Variants in NAV2 observed in about 807,000 individuals in gnomAD.
NAV2 encodes the protein helicase, APC down-regulated 1.
In NAV2, 54 loss-of-function variants were observed where a neutral mutation model predicts 223.2. That is an observed-to-expected ratio of 0.24 (90% CI 0.19 to 0.30). NAV2 has a LOEUF of 0.30. Ranked by LOEUF, NAV2 falls within the 10% of genes least tolerant of loss-of-function variation. The pLI, the probability that NAV2 is intolerant of heterozygous loss-of-function variation, is 1.00. For missense variants in NAV2, 2,806 were observed against 3,147.5 expected (o/e 0.89, Z 2.60); for synonymous variants, 1,279 against 1,239.3 (o/e 1.03, Z -0.67).
At chr11:19,868,623 G>A (rs1167243960) in intron 3 of NAV2, among the ~76,000 whole-genome samples, 1 of 152,116 alleles carries the variant, frequency 6.6e-6, no homozygotes, top group Non-Finnish European at 1.5e-5. Flanking sequence ...CCATTTTTCT[G>A]GCAACTGCTC....
intron 34 of NAV2, 49 bp downstream of exon 34, chr11:20,103,773 G>T: frequency 6.5e-7 from 1 of 1,548,594 alleles, no homozygotes; most frequent in African/African-American, 1.4e-5. Context: ...TCACAAAGAA[G>T]AAAAGCAAGA....
rs75376456 is a variant in NAV2, at chr11:19,605,042, T to A, written c.76-227442T>A. ...CTTGGGTGTGTCTTTATCAGCAGCATGAAAATGGACTAATACATTGGTTAA... is the reference window on the plus strand; with the variant it reads ...CTTGGGTGTGTCTTTATCAGCAGCAAGAAAATGGACTAATACATTGGTTAA... On this transcript the variant is annotated intron_variant, in intron 1 of 37. Coordinates refer to the NAV2 transcript ENST00000360655. Among the ~76,000 whole-genome samples, 525 of 152,276 alleles carry A rather than the reference T, an allele frequency of 3.4e-3. 2 individuals carry two copies. The highest frequency in any genetic ancestry group is 0.012 in the African/African-American group (505 of 41,546).
chr11:19,416,914 C>T (rs951793240), intron 1 of NAV2, among the ~76,000 whole-genome samples: 1 of 152,094 alleles, frequency 6.6e-6, no homozygotes, highest in African/African-American at 2.4e-5. Context: ...TGAAACTGTA[C>T]CGCTTCCTTA....
intron 1 of NAV2, among the ~76,000 whole-genome samples, chr11:19,445,595 C>T (rs1435586475): frequency 6.6e-6 from 1 of 152,076 alleles, no homozygotes. Flanking sequence ...TCTGGTCTCT[C>T]GAGCCACATC....
chr11:19,648,318 C>G (rs1201332330), intron 1 of NAV2, among the ~76,000 whole-genome samples: 1 of 152,162 alleles, frequency 6.6e-6, no homozygotes, highest in East Asian at 1.9e-4. Context: ...CACATCTCTT[C>G]CCCTGCCACA....
At chr11:19,833,302 G>A (rs1039116505) in intron 2 of NAV2, among the ~76,000 whole-genome samples, 1 of 152,202 alleles carries the variant, frequency 6.6e-6, no homozygotes, top group African/African-American at 2.4e-5. Context: ...CCTTGGCCAA[G>A]GGAGAAGGTG....
chr11:19,703,538 C>T lies in NAV2; in HGVS notation c.76-128946C>T, dbSNP rs570440007. Reference sequence around the variant, plus strand: ...AAGGGTCAGGCTGCCTGATGCTACCCGCACCGCTGGAGCTGAGGCGGCATT... The same window carrying T: ...AAGGGTCAGGCTGCCTGATGCTACCTGCACCGCTGGAGCTGAGGCGGCATT... On this transcript the variant is annotated intron_variant, in intron 1 of 37. Transcript: ENST00000360655. Among the ~76,000 whole-genome samples, 9 of 152,298 alleles carry T rather than the reference C, an allele frequency of 5.9e-5. No individual in the cohort carries two copies. The East Asian group carries it at 1.2e-3, about 20-fold the overall frequency.
intron 17 of NAV2, 116 bp downstream of exon 17, chr11:20,051,449 C>T (rs2058001615): frequency 1.1e-6 from 1 of 887,398 alleles, no homozygotes; most frequent in Non-Finnish European, 1.9e-6. Flanking sequence ...GCTTTGACCA[C>T]CACAGCAGGA....
At chr11:19,845,182 A>G (rs2152954832) in intron 3 of NAV2, among the ~76,000 whole-genome samples, 1 of 152,336 alleles carries the variant, frequency 6.6e-6, no homozygotes, top group African/African-American at 2.4e-5. Flanking sequence ...GCATATATAG[A>G]GTTAAAGCAC....
Position 19,707,835 on chromosome 11 carries a change from C to T in NAV2, c.76-124649C>T, listed in dbSNP as rs146840111. ...TGTTGCACTACAATGTTATGACTGC[C>T]ACTATGTTACTAGGCAATAGTAATT... On this transcript the variant is annotated intron_variant, in intron 1 of 37. Transcript: ENST00000360655. Among the ~76,000 whole-genome samples the T allele has an allele frequency of 3.5e-3, 539 of 152,274 alleles. 2 individuals are homozygous for T. The highest frequency in any genetic ancestry group is 0.013 in the African/African-American group (522 of 41,544).
At chr11:19,668,756 G>C (rs1348068753) in intron 1 of NAV2, among the ~76,000 whole-genome samples, 1 of 151,832 alleles carries the variant, frequency 6.6e-6, no homozygotes, top group Non-Finnish European at 1.5e-5. Flanking sequence ...TGGCTGCTGA[G>C]AATTCACACT....
At chr11:19,994,061 C>G (rs546465969) in intron 11 of NAV2, among the ~76,000 whole-genome samples, 1 of 152,160 alleles carries the variant, frequency 6.6e-6, no homozygotes, top group East Asian at 1.9e-4. Context: ...CCAGAAGCAT[C>G]GGGGACTGCA....
chr11:19,873,274 G>A (rs956443293), intron 4 of NAV2, among the ~76,000 whole-genome samples: 2 of 152,270 alleles, frequency 1.3e-5, no homozygotes, highest in South Asian at 2.1e-4. Context: ...AGCTGTGTTA[G>A]TGGTAAGCAC....
At chr11:20,027,562 T>G (rs2055229755) in intron 11 of NAV2, 1 of 712,480 alleles carries the variant, frequency 1.4e-6, no homozygotes, top group Non-Finnish European at 1.7e-6. Context: ...CCAGACTGTT[T>G]CCAAGGACAG....
intron 1 of NAV2, among the ~76,000 whole-genome samples, chr11:19,488,563 C>G (rs2042523942): frequency 6.6e-6 from 1 of 152,100 alleles, no homozygotes; most frequent in African/African-American, 2.4e-5. Flanking sequence ...AGATGTGTAC[C>G]CTACAGGGAG....
At chr11:20,080,616 T>C (rs933899948) in intron 25 of NAV2, among the ~76,000 whole-genome samples, 14 of 152,230 alleles carry the variant, frequency 9.2e-5, no homozygotes, top group African/African-American at 3.1e-4. Flanking sequence ...GCCGTAATCT[T>C]TATCTATTTA....
At chr11:19,585,159 T>G (rs1179791422) in intron 1 of NAV2, among the ~76,000 whole-genome samples, 1 of 152,216 alleles carries the variant, frequency 6.6e-6, no homozygotes, top group African/African-American at 2.4e-5. Context: ...CTTTTGATCT[T>G]TGTTGGTTTA....
intron 6 of NAV2, among the ~76,000 whole-genome samples, chr11:19,911,398 G>A (rs1000992454): frequency 1.3e-5 from 2 of 152,144 alleles, no homozygotes; most frequent in East Asian, 3.9e-4. Flanking sequence ...GATGGTAAAA[G>A]GGGACATGGC....
chr11:20,080,183 T>A lies in NAV2; in HGVS notation c.5299T>A (p.Ser1767Thr). 6.2e-7 allele frequency: 1 copy of A among 1,613,882 alleles called. No individual in the cohort carries two copies. The stretch of plus-strand genomic sequence containing the variant: ...CGTGGGCAGCAACATAGAGAGTGAC[T>A]CAAAGAAGAAGAAGCGGAAGAACTG... Reference protein sequence around the residue: ...SSVGSNIESDSKKKKRKNWLR... With the variant: ...SSVGSNIESDTKKKKRKNWLR... Residue 1767 changes from serine (S) to threonine (T), a missense_variant, in exon 25 of 38, where the codon TCA becomes ACA. By Grantham distance (58) the Ser-to-Thr change is moderately conservative. Coordinates refer to ENST00000349880, the MANE Select transcript of NAV2 (RefSeq NM_145117.5).
Sources: gnomAD v4.1 joint callset for allele counts (sites outside exome capture counted in the v4.1 genomes callset) on GRCh38, gnomAD v4.1.1 for gene constraint, MANE v1.5 for transcripts, NCBI Gene and HGNC (gene_info 2026-07-23, HGNC 2026-07-21) for gene names.